Variants in GSE1 observed in about 807,000 individuals in gnomAD.
GSE1 encodes Gse1 coiled-coil protein.
GSE1 carries 32 observed loss-of-function variants against 112.6 expected under a neutral mutation model. That is an observed-to-expected ratio of 0.28 (90% CI 0.21 to 0.38). The LOEUF is 0.38. Ranked by LOEUF, GSE1 falls within the 10% of genes least tolerant of loss-of-function variation. GSE1 has a pLI of 1.00. For synonymous variants in GSE1, 1,115 were observed against 735.6 expected (o/e 1.52, Z -8.35); for missense variants, 2,348 against 1,699.2 (o/e 1.38, Z -6.71).
intron 1 of GSE1, among the ~76,000 whole-genome samples, chr16:85,221,244 C>T (rs972219772): frequency 6.6e-6 from 1 of 152,090 alleles, no homozygotes; most frequent in Admixed American, 6.5e-5. Context: ...CGAGGAGCCC[C>T]ACTGTGCGGC....
At chr16:85,468,765 G>A (rs2050198013) in intron 2 of GSE1, among the ~76,000 whole-genome samples, 2 of 152,200 alleles carry the variant, frequency 1.3e-5, no homozygotes, top group Admixed American at 1.3e-4. Context: ...CCCATCTCCT[G>A]ATGTCTAAGA....
At chr16:85,582,792 G>C (rs1364094823) in intron 1 of GSE1, among the ~76,000 whole-genome samples, 1 of 152,226 alleles carries the variant, frequency 6.6e-6, no homozygotes, top group African/African-American at 2.4e-5. Flanking sequence ...TGTCTGCACA[G>C]CCTGCGGTTG....
intron 2 of GSE1, among the ~76,000 whole-genome samples, chr16:85,522,597 T>C (rs1026479936): frequency 2.0e-5 from 3 of 152,246 alleles, no homozygotes; most frequent in African/African-American, 7.2e-5. Flanking sequence ...ATTTGCATCC[T>C]ACTGATGGGG....
intron 3 of GSE1, among the ~76,000 whole-genome samples, chr16:85,650,170 C>G (rs1371915750): frequency 6.6e-6 from 1 of 152,174 alleles, no homozygotes; most frequent in African/African-American, 2.4e-5. Context: ...TGGACCCTGG[C>G]CACAGGGGCC....
At chr16:85,598,079 C>A (rs910321452) in intron 1 of GSE1, among the ~76,000 whole-genome samples, 1 of 151,618 alleles carries the variant, frequency 6.6e-6, no homozygotes, top group African/African-American at 2.4e-5. Context: ...TGGACTGTTT[C>A]AGGGAGGTGT....
At chr16:85,573,772 C>T (rs1373736496) in intron 1 of GSE1, among the ~76,000 whole-genome samples, 1 of 152,226 alleles carries the variant, frequency 6.6e-6, no homozygotes, top group Non-Finnish European at 1.5e-5. Context: ...ATTTCTCCTC[C>T]TCCGGCCACC....
At chr16:85,289,211 C>T (rs2045131679) in intron 1 of GSE1, among the ~76,000 whole-genome samples, 1 of 152,148 alleles carries the variant, frequency 6.6e-6, no homozygotes. Flanking sequence ...TGGGAGGGTC[C>T]CTGGAGTCCT....
intron 2 of GSE1, among the ~76,000 whole-genome samples, chr16:85,392,859 C>T (rs1017394501): frequency 6.6e-6 from 1 of 152,208 alleles, no homozygotes. Context: ...TTGGCTGACC[C>T]CGAATGTGCG....
At chr16:85,646,892 A>AG (rs55946477) in intron 2 of GSE1, among the ~76,000 whole-genome samples, 24,821 of 127,894 alleles carry the variant, frequency 0.19, 2,386 homozygotes, top group Middle Eastern at 0.26. Context: ...CCCCACAACA[A>AG]GGGGGGGGGT....
At chr16:85,649,667 G>T (rs2051173424) in intron 3 of GSE1, among the ~76,000 whole-genome samples, 1 of 152,190 alleles carries the variant, frequency 6.6e-6, no homozygotes, top group Non-Finnish European at 1.5e-5. Flanking sequence ...CCTGGAGTGG[G>T]CCCTTCCTAA....
chr16:85,603,030 G>A (rs1034094959), intron 1 of GSE1, among the ~76,000 whole-genome samples: 5 of 152,270 alleles, frequency 3.3e-5, no homozygotes, highest in African/African-American at 4.8e-5. Flanking sequence ...CTTTCCAGCC[G>A]AGTGGCCAGG....
intron 1 of GSE1, among the ~76,000 whole-genome samples, chr16:85,332,329 A>G (rs966309343): frequency 8.5e-5 from 13 of 152,172 alleles, no homozygotes; most frequent in Non-Finnish European, 1.3e-4. Flanking sequence ...CTCCGTCTCC[A>G]TAATCACACT....
chr16:85,378,464 C>T (rs545780316), intron 2 of GSE1, among the ~76,000 whole-genome samples: 50 of 152,302 alleles, frequency 3.3e-4, no homozygotes, highest in African/African-American at 1.0e-3. Flanking sequence ...CTGTGAGCCA[C>T]GGGAAGTCTG....
At chr16:85,641,118 T>C (rs972579877) in intron 2 of GSE1, among the ~76,000 whole-genome samples, 5 of 150,588 alleles carry the variant, frequency 3.3e-5, no homozygotes, top group Non-Finnish European at 1.5e-5. Context: ...ATAAGGGTGA[T>C]TTTTTTCCGG....
intron 1 of GSE1, among the ~76,000 whole-genome samples, chr16:85,629,907 C>G (rs975778632): frequency 6.6e-6 from 1 of 152,164 alleles, no homozygotes; most frequent in Non-Finnish European, 1.5e-5. Context: ...AGCTCAGTGG[C>G]TTAAACACAA....
chr16:85,648,441 G>A (rs889808907), intron 2 of GSE1, 111 bp from the exon 3 acceptor site: 3 of 620,952 alleles, frequency 4.8e-6, no homozygotes, highest in Non-Finnish European at 5.7e-6. Flanking sequence ...AGACCTGGAG[G>A]TCTGGGGCCT....
intron 2 of GSE1, among the ~76,000 whole-genome samples, chr16:85,539,759 G>A (rs566553402): frequency 6.6e-6 from 1 of 152,300 alleles, no homozygotes; most frequent in East Asian, 1.9e-4. Flanking sequence ...GATTCACCAG[G>A]CTCACCCAGA....
At chr16:85,267,336 G>C (rs1908354085) in intron 1 of GSE1, among the ~76,000 whole-genome samples, 1 of 152,160 alleles carries the variant, frequency 6.6e-6, no homozygotes, top group Non-Finnish European at 1.5e-5. Flanking sequence ...AAGTGGACCA[G>C]CTTTTCCACC....
chr16:85,180,659 A>G lies in GSE1; in HGVS notation c.2283+8852A>G, dbSNP rs181488945. Among the ~76,000 whole-genome samples, 275 of 152,268 alleles carry G rather than the reference A, an allele frequency of 1.8e-3. 1 individual carries two copies. Among genetic ancestry groups the G allele is most frequent in the African/African-American group, 6.3e-3 (262 of 41,550 alleles). On this transcript the variant is annotated intron_variant, in intron 1 of 2. Coordinates refer to the GSE1 transcript ENST00000637419. ...ACAGAGAGGTTAAGTCACTTGCCCA[A>G]AGTCACACAGTGGGGAAGTGCCGGC...
Sources: gnomAD v4.1 joint callset for allele counts (sites outside exome capture counted in the v4.1 genomes callset) on GRCh38, gnomAD v4.1.1 for gene constraint, MANE v1.5 for transcripts, NCBI Gene and HGNC (gene_info 2026-07-23, HGNC 2026-07-21) for gene names.